LURAP1L: variants seen among roughly 807,000 people sequenced by gnomAD.
LURAP1L encodes leucine rich adaptor protein 1-like.
In LURAP1L, 12 loss-of-function variants were observed where a neutral mutation model predicts 13.8. That is an observed-to-expected ratio of 0.87 (90% CI 0.56 to 1.41). The LOEUF (loss-of-function observed/expected upper bound fraction) is 1.41. Among genes scored for constraint, LURAP1L ranks in the 40% most tolerant of loss-of-function variants. LURAP1L has a pLI of 0.00. For synonymous variants in LURAP1L, 139 were observed against 119.2 expected (o/e 1.17, Z -1.08); for missense variants, 375 against 292.9 (o/e 1.28, Z -2.04).
chr9:12,819,647 G>A (rs1183938205), intron 1 of LURAP1L, among the ~76,000 whole-genome samples: 1 of 152,228 alleles, frequency 6.6e-6, no homozygotes, highest in South Asian at 2.1e-4. Context: ...TGGAGGGACA[G>A]AAATCGGTTT....
At chr9:12,817,208 C>A (rs959574717) in intron 1 of LURAP1L, among the ~76,000 whole-genome samples, 1 of 141,314 alleles carries the variant, frequency 7.1e-6, no homozygotes, top group South Asian at 2.3e-4. Context: ...TGTTCTTTCC[C>A]GAAGCTACTT....
In LURAP1L at chr9:12,821,859, C is replaced by A; in HGVS notation, c.*99C>A. On this transcript the variant is annotated 3_prime_UTR_variant, in exon 2 of 2. Coordinates refer to ENST00000319264, the MANE Select transcript of LURAP1L (RefSeq NM_203403.2). Reference sequence around the variant, plus strand: ...TGTGATTTTTATTTTAATAAGATGACCTTTTTAAAAGAAGCTGATTTTGAA... The same window carrying A: ...TGTGATTTTTATTTTAATAAGATGAACTTTTTAAAAGAAGCTGATTTTGAA... 1.4e-6 allele frequency: 2 copies of A among 1,416,412 alleles called. No individual in the cohort carries two copies. Among genetic ancestry groups the A allele is most frequent in the Non-Finnish European group, 1.9e-6 (2 of 1,055,992 alleles). 87.7% of individuals were successfully genotyped at this position (1,416,412 alleles called of 1,614,324 possible). A position where few individuals can be genotyped will look rare whatever the true frequency, so the allele number is the denominator to read the frequency against.
chr9:12,811,367 A>G (rs1819733382), intron 1 of LURAP1L, among the ~76,000 whole-genome samples: 1 of 152,212 alleles, frequency 6.6e-6, no homozygotes, highest in African/African-American at 2.4e-5. Context: ...GATATAATTT[A>G]TAAGTGAAAT....
In LURAP1L at chr9:12,821,549, C is replaced by T. The variant is rs144810120; in HGVS notation, c.476C>T (p.Ser159Phe). The T allele has an allele frequency of 1.1e-5, 18 of 1,614,006 alleles. No homozygotes were observed. In the African/African-American group the frequency reaches 2.1e-4, roughly 19 times the overall value. ...AGTTTGTTGGAGAGTCAGAGCACCT[C>T]CTTACGTGGCAGCTACAACAGCCTA... ...LCSLLESQST[S>F]LRGSYNSLHD... Residue 159 changes from serine to phenylalanine, a missense_variant, in exon 2 of 2, where the codon TCC (serine) becomes TTC (phenylalanine). Physicochemically the swap from Ser to Phe is radical, Grantham distance 155. Coordinates refer to ENST00000319264, the MANE Select transcript of LURAP1L (RefSeq NM_203403.2).
At chr9:12,781,575 C>G (rs1211953931) in intron 1 of LURAP1L, among the ~76,000 whole-genome samples, 2 of 152,174 alleles carry the variant, frequency 1.3e-5, no homozygotes, top group Non-Finnish European at 1.5e-5. Flanking sequence ...CATGTTGTTG[C>G]AAATGACAGA....
chr9:12,786,547 C>CATATAT (rs67654649), intron 1 of LURAP1L, among the ~76,000 whole-genome samples: 2,056 of 52,952 alleles, frequency 0.039, 86 homozygotes, highest in African/African-American at 0.051. Flanking sequence ...ATATATATGA[C>CATATAT]ATATATATAT....
chr9:12,804,146 A>G (rs971728484), intron 1 of LURAP1L, among the ~76,000 whole-genome samples: 4 of 152,176 alleles, frequency 2.6e-5, no homozygotes, highest in East Asian at 1.9e-4. Context: ...TCATTAATCA[A>G]TGACAAGAAG....
chr9:12,778,393 A>G (rs2118453545), intron 1 of LURAP1L, among the ~76,000 whole-genome samples: 1 of 152,332 alleles, frequency 6.6e-6, no homozygotes, highest in East Asian at 1.9e-4. Flanking sequence ...TTGTTAACAT[A>G]GGAATAAGAG....
intron 1 of LURAP1L, among the ~76,000 whole-genome samples, chr9:12,787,329 GGTAT>G (rs1819370746): frequency 6.6e-6 from 1 of 151,878 alleles, no homozygotes; most frequent in African/African-American, 2.4e-5. Context: ...CATTTGTATA[GGTAT>G]ATATATATGT....
intron 1 of LURAP1L, chr9:12,777,409 T>A: frequency 1.0e-6 from 1 of 985,336 alleles, no homozygotes; most frequent in Non-Finnish European, 1.2e-6. Context: ...GAAAATTTCT[T>A]GTACAAGGAA....
chr9:12,802,091 G>A (rs1819595102), intron 1 of LURAP1L, among the ~76,000 whole-genome samples: 1 of 152,188 alleles, frequency 6.6e-6, no homozygotes, highest in African/African-American at 2.4e-5. Flanking sequence ...CCTGGTGTCA[G>A]TCTAAGCTGT....
At chr9:12,813,526 C>G (rs978905404) in intron 1 of LURAP1L, among the ~76,000 whole-genome samples, 1 of 152,050 alleles carries the variant, frequency 6.6e-6, no homozygotes, top group African/African-American at 2.4e-5. Flanking sequence ...TTTAAAAACA[C>G]TATAAAGCAG....
intron 1 of LURAP1L, among the ~76,000 whole-genome samples, chr9:12,808,536 C>T (rs1017951894): frequency 7.3e-5 from 11 of 151,582 alleles, no homozygotes; most frequent in South Asian, 4.1e-4. Context: ...TTTTTTAAGA[C>T]GGGATAAATA....
At chr9:12,780,956 T>C (rs1299624799) in intron 1 of LURAP1L, among the ~76,000 whole-genome samples, 1 of 152,076 alleles carries the variant, frequency 6.6e-6, no homozygotes, top group Non-Finnish European at 1.5e-5. Flanking sequence ...TATACTCTTT[T>C]AGTTATTATT....
At chr9:12,808,721 T>C (rs982753455) in intron 1 of LURAP1L, among the ~76,000 whole-genome samples, 1 of 152,188 alleles carries the variant, frequency 6.6e-6, no homozygotes, top group African/African-American at 2.4e-5. Context: ...TCCTCCTAGA[T>C]GTTCTCTGAG....
chr9:12,807,541 T>G (rs955255312), intron 1 of LURAP1L, among the ~76,000 whole-genome samples: 1 of 152,170 alleles, frequency 6.6e-6, no homozygotes, highest in Admixed American at 6.5e-5. Context: ...TTCCTTCACC[T>G]GCATAGTGAA....
chr9:12,803,140 T>C (rs1819609882), intron 1 of LURAP1L, among the ~76,000 whole-genome samples: 1 of 152,248 alleles, frequency 6.6e-6, no homozygotes, highest in Admixed American at 6.5e-5. Context: ...TTGGGTAGGA[T>C]AGAACCACTG....
At chr9:12,784,134 G>C (rs947498342) in intron 1 of LURAP1L, among the ~76,000 whole-genome samples, 1 of 152,082 alleles carries the variant, frequency 6.6e-6, no homozygotes, top group East Asian at 1.9e-4. Flanking sequence ...TCCCAAACCA[G>C]CTATTTTGAG....
At chr9:12,806,845 T>G (rs142370777) in intron 1 of LURAP1L, among the ~76,000 whole-genome samples, 1 of 151,754 alleles carries the variant, frequency 6.6e-6, no homozygotes, top group Non-Finnish European at 1.5e-5. Context: ...GAGAATGTCA[T>G]GTACATACAG....
Sources: allele counts gnomAD v4.1 joint callset (sites outside exome capture counted in the v4.1 genomes callset), GRCh38; gene constraint gnomAD v4.1.1; transcripts MANE v1.5; gene names NCBI Gene and HGNC (gene_info 2026-07-23, HGNC 2026-07-21).